CECR2: variants seen among roughly 807,000 people sequenced by gnomAD.
CECR2 encodes chromatin remodeling regulator CECR2.
Under a neutral mutation model 154.5 loss-of-function variants are expected in CECR2, and 30 were observed. That is an observed-to-expected ratio of 0.19 (90% CI 0.15 to 0.26). The LOEUF is 0.26. Ranked by LOEUF, CECR2 falls within the 10% of genes least tolerant of loss-of-function variation. The pLI, the probability that CECR2 is intolerant of heterozygous loss-of-function variation, is 1.00. For missense variants in CECR2, 1,743 were observed against 1,829.3 expected, an observed-to-expected ratio of 0.95 and a Z score of 0.86; for synonymous variants, 725 against 683.7, an observed-to-expected ratio of 1.06 and a Z score of -0.94.
At chr22:17,533,316 C>CT (rs567290921) in intron 9 of CECR2, among the ~76,000 whole-genome samples, 6 of 137,356 alleles carry the variant, frequency 4.4e-5, no homozygotes, top group Non-Finnish European at 9.3e-5. Flanking sequence ...GAGTGAGACT[C>CT]TATCTCCAAA....
At chr22:17,534,499 C>CTTTA (rs941598249) in intron 9 of CECR2, among the ~76,000 whole-genome samples, 50 of 151,780 alleles carry the variant, frequency 3.3e-4, no homozygotes, top group African/African-American at 5.8e-4. Context: ...TATTTGATTA[C>CTTTA]TTTATTTATT....
chr22:17,434,463 A>T (rs1294811721), intron 1 of CECR2, among the ~76,000 whole-genome samples: 1 of 152,094 alleles, frequency 6.6e-6, no homozygotes, highest in African/African-American at 2.4e-5. Context: ...TTGCTTTAGG[A>T]TTCACCGCTT....
chr22:17,388,970 G>A (rs1342211066), intron 1 of CECR2, among the ~76,000 whole-genome samples: 1 of 151,948 alleles, frequency 6.6e-6, no homozygotes, highest in African/African-American at 2.4e-5. Context: ...ACTCCACCAT[G>A]CCCGGATAAC....
chr22:17,379,581 G>GGTGTGTGTGTATGTGTGTGTGTGTGT (rs1555899688), intron 1 of CECR2, among the ~76,000 whole-genome samples: 23 of 137,814 alleles, frequency 1.7e-4, no homozygotes, highest in Non-Finnish European at 3.6e-4. Flanking sequence ...CTACGTTGAA[G>GGTGTGTGTGTATGTGTGTGTGTGTGT]GTGTGTGTGT....
chr22:17,474,540 A>G (rs2055178514), intron 1 of CECR2, among the ~76,000 whole-genome samples: 1 of 152,228 alleles, frequency 6.6e-6, no homozygotes, highest in South Asian at 2.1e-4. Context: ...GGCACTCCTG[A>G]CATTATTGCT....
intron 1 of CECR2, chr22:17,428,251 G>GTA (rs2054361542): frequency 1.3e-5 from 2 of 152,092 alleles, no homozygotes; most frequent in Non-Finnish European, 2.9e-5. Context: ...TGCAAAAGTG[G>GTA]GGGAACACAA....
At chr22:17,460,380 T>C (rs2054919345) in intron 1 of CECR2, among the ~76,000 whole-genome samples, 2 of 152,180 alleles carry the variant, frequency 1.3e-5, no homozygotes, top group Admixed American at 6.5e-5. Flanking sequence ...CGGCTAAGTT[T>C]TCTATTTTCA....
Position 17,537,158 on chromosome 22 carries a change from A to C in CECR2, c.1164A>C (p.Gly388=), listed in dbSNP as rs761694656. The change falls in exon 10 of 19, where the codon GGA becomes GGC. Residue 388 remains glycine (G), a synonymous_variant. Transcript: ENST00000262608. The stretch of plus-strand genomic sequence containing the variant: ...AAAGGGCATGGCTGCTGGCTCAAGG[A>C]AAGGAGCTCCCTCCAGAACTTTCCC... ...REERAWLLAQ[G]KELPPELSHL... The C allele has an allele frequency of 2.5e-6, 4 of 1,613,976 alleles. No individual in the cohort carries two copies. The South Asian group carries it at 4.4e-5, about 18-fold the overall frequency.
At chr22:17,375,954 CT>C (rs35487864) in intron 1 of CECR2, among the ~76,000 whole-genome samples, 42,946 of 149,294 alleles carry the variant, frequency 0.29, 10,835 homozygotes, top group African/African-American at 0.69. Flanking sequence ...GAGGGAGACT[CT>C]TATCTAAAAA....
At chr22:17,546,704 T>C (rs2056619528) in intron 16 of CECR2, among the ~76,000 whole-genome samples, 1 of 151,958 alleles carries the variant, frequency 6.6e-6, no homozygotes, top group African/African-American at 2.4e-5. Flanking sequence ...GGATGGTAAT[T>C]TCATCACACC....
intron 1 of CECR2, among the ~76,000 whole-genome samples, chr22:17,402,614 C>T (rs1011433021): frequency 1.3e-5 from 2 of 152,212 alleles, no homozygotes; most frequent in South Asian, 4.1e-4. Flanking sequence ...AGCTTCCTCT[C>T]ATGTTTAATC....
intron 7 of CECR2, among the ~76,000 whole-genome samples, chr22:17,506,156 T>C (rs1362126934): frequency 6.6e-6 from 1 of 151,826 alleles, no homozygotes; most frequent in Non-Finnish European, 1.5e-5. Flanking sequence ...TTTTATTGCT[T>C]TAAGACAGGG....
intron 1 of CECR2, chr22:17,419,179 T>C (rs55860394): frequency 0.19 from 28,732 of 153,574 alleles, 3,518 homozygotes; most frequent in African/African-American, 0.35. Context: ...CCCCGCGGGG[T>C]CAGGAGCACG....
rs1220433788 is a variant in CECR2, at chr22:17,553,794, A to T, written c.*954A>T. 1 of 152,168 alleles carries T rather than the reference A, an allele frequency of 6.6e-6. No individual in the cohort carries two copies. Among genetic ancestry groups the T allele is most frequent in the African/African-American group, 2.4e-5 (1 of 41,440 alleles). The allele number at this position is 152,168 out of a possible 1,614,324, so 9.4% of individuals were successfully genotyped here. ...GCTAGAGTGTTTCACGTATTAGAAG[A>T]TGAATCGTCCTCATCACAGACCTCC... On this transcript the variant is annotated 3_prime_UTR_variant, in exon 19 of 19. Coordinates refer to ENST00000262608, the MANE Select transcript of CECR2 (RefSeq NM_001290047.2).
At chr22:17,485,182 TC>T (rs2146825740) in intron 2 of CECR2, among the ~76,000 whole-genome samples, 2 of 152,258 alleles carry the variant, frequency 1.3e-5, no homozygotes, top group South Asian at 4.1e-4. Flanking sequence ...GAAAGTCCTC[TC>T]CCATCCTTCC....
At chr22:17,371,589 A>G (rs1298947090) in intron 1 of CECR2, among the ~76,000 whole-genome samples, 2 of 152,230 alleles carry the variant, frequency 1.3e-5, no homozygotes, top group Non-Finnish European at 2.9e-5. Flanking sequence ...TTCAGTTGGT[A>G]CAAAATCGTG....
Position 17,500,715 on chromosome 22 carries a change from G to A in CECR2, c.630G>A (p.Leu210=), listed in dbSNP as rs1198891018. 1 of 1,554,014 alleles carries A rather than the reference G, an allele frequency of 6.4e-7. No individual in the cohort carries two copies. Among genetic ancestry groups the A allele is most frequent in the Non-Finnish European group, 8.7e-7 (1 of 1,148,608 alleles). ...GAAGACCCCCAAAACGGAAGAAACT[G>A]CAGGAGGAGATTCTGTTGAGGTAAG... is the stretch of plus-strand genomic sequence containing the variant. ...RRGRPPKRKK[L]QEEILLSEKQ... The change falls in exon 5 of 19, where the codon CTG becomes CTA. Residue 210 remains leucine (L), a synonymous_variant. Transcript: ENST00000262608.
chr22:17,445,127 AT>A (rs1192898932), intron 1 of CECR2, among the ~76,000 whole-genome samples: 4 of 152,190 alleles, frequency 2.6e-5, no homozygotes, highest in Non-Finnish European at 4.4e-5. Context: ...CATATACCTC[AT>A]ATTAAGTTAT....
chr22:17,386,585 T>C (rs971657862), intron 1 of CECR2, among the ~76,000 whole-genome samples: 4 of 152,096 alleles, frequency 2.6e-5, no homozygotes, highest in Non-Finnish European at 5.9e-5. Context: ...ACCCTAGGAC[T>C]GTCAGTTGCT....
Sources: allele counts gnomAD v4.1 joint callset (sites outside exome capture counted in the v4.1 genomes callset), GRCh38; gene constraint gnomAD v4.1.1; transcripts MANE v1.5; gene names NCBI Gene and HGNC (gene_info 2026-07-23, HGNC 2026-07-21).